The following PPP1R12A variants were observed in gnomAD, a reference collection of about 807,000 sequenced individuals.
PPP1R12A encodes the protein myosin binding subunit.
PPP1R12A carries 19 observed loss-of-function variants against 139.6 expected under a neutral mutation model. The ratio of observed to expected loss-of-function variants is 0.14; its 90% confidence interval spans 0.09 to 0.20. PPP1R12A has a LOEUF of 0.20. PPP1R12A is among the 10% of genes least tolerant of loss of function. The pLI is 1.00. For synonymous variants in PPP1R12A, 427 were observed against 420.6 expected (o/e 1.02, Z -0.19); for missense variants, 925 against 1,211.5 (o/e 0.76, Z 3.51).
chr12:79,785,945 C>A (rs576926032), intron 22 of PPP1R12A, among the ~76,000 whole-genome samples: 1 of 152,198 alleles, frequency 6.6e-6, no homozygotes, highest in African/African-American at 2.4e-5. Context: ...AAGGAACTTA[C>A]AAAAGGAGTT....
intron 1 of PPP1R12A, among the ~76,000 whole-genome samples, chr12:79,909,166 G>A (rs1886357179): frequency 6.6e-6 from 1 of 152,154 alleles, no homozygotes; most frequent in Non-Finnish European, 1.5e-5. Flanking sequence ...AAGCTTTGTT[G>A]TGACCCTACA....
intron 2 of PPP1R12A, among the ~76,000 whole-genome samples, chr12:79,852,964 A>G (rs951993489): frequency 6.6e-6 from 1 of 152,220 alleles, no homozygotes; most frequent in African/African-American, 2.4e-5. Flanking sequence ...AGCTTCCCAC[A>G]TGGTCTCCAG....
At chr12:79,832,743 T>G (rs1008919733) in intron 3 of PPP1R12A, 2 of 316,390 alleles carry the variant, frequency 6.3e-6, no homozygotes, top group Non-Finnish European at 1.1e-5. Flanking sequence ...CCTTTCTGAT[T>G]ATTCTTCTTG....
At chr12:79,819,660 G>C (rs1478151545) in intron 8 of PPP1R12A, among the ~76,000 whole-genome samples, 1 of 152,178 alleles carries the variant, frequency 6.6e-6, no homozygotes, top group African/African-American at 2.4e-5. Flanking sequence ...TTAGGCTATA[G>C]GTTGAGCACA....
intron 1 of PPP1R12A, among the ~76,000 whole-genome samples, chr12:79,927,121 A>G (rs1887906364): frequency 6.6e-6 from 1 of 152,060 alleles, no homozygotes; most frequent in East Asian, 1.9e-4. Flanking sequence ...TGAGCCCAGG[A>G]AGGCTACAGT....
chr12:79,840,032 G>A (rs986425322), intron 3 of PPP1R12A, among the ~76,000 whole-genome samples: 1 of 151,772 alleles, frequency 6.6e-6, no homozygotes, highest in African/African-American at 2.4e-5. Flanking sequence ...TGAACATCAT[G>A]AAGTATTTTC....
intron 2 of PPP1R12A, among the ~76,000 whole-genome samples, chr12:79,863,644 CAAAAAAAAAA>C (rs61530316): frequency 1.3e-4 from 7 of 55,334 alleles, no homozygotes; most frequent in South Asian, 1.1e-3. Flanking sequence ...AAATTGAAAG[CAAAAAAAAAA>C]AAAAAAAAAA....
chr12:79,904,161 G>A (rs555985890), intron 1 of PPP1R12A, among the ~76,000 whole-genome samples: 140 of 151,718 alleles, frequency 9.2e-4, no homozygotes, highest in African/African-American at 3.3e-3. Flanking sequence ...GTTGTGGTGA[G>A]CTGAGATCAT....
chr12:79,818,795 A>C (rs1875724190), intron 8 of PPP1R12A: 2 of 152,246 alleles, frequency 1.3e-5, no homozygotes, highest in South Asian at 4.1e-4. Context: ...GTTTTGGCAA[A>C]TAATTTATTT....
intron 1 of PPP1R12A, among the ~76,000 whole-genome samples, chr12:79,911,087 A>G (rs1420748848): frequency 1.3e-5 from 2 of 151,974 alleles, no homozygotes; most frequent in Non-Finnish European, 2.9e-5. Flanking sequence ...TACCCCTACT[A>G]CCAAATTAAT....
In PPP1R12A at chr12:79,925,261, C is replaced by CGTGTGT. The variant is rs146017455; in HGVS notation, c.237+9428_237+9433dup. On this transcript the variant is annotated intron_variant, in intron 1 of 24. Coordinates refer to ENST00000450142, the MANE Select transcript of PPP1R12A (RefSeq NM_002480.3). ...AGTAAAGGTTGAGTGCATACGTGTA[C>CGTGTGT]GTGTGTGTGTGTGTGTGTGTAACAG... 8.8e-3 allele frequency among the ~76,000 whole-genome samples: 1,320 copies of CGTGTGT among 149,648 alleles called. 20 individuals are homozygous for CGTGTGT. Among genetic ancestry groups the CGTGTGT allele is most frequent in the African/African-American group, 0.031 (1,267 of 41,036 alleles).
At chr12:79,875,258 T>A (rs1182313030) in intron 1 of PPP1R12A, among the ~76,000 whole-genome samples, 1 of 152,176 alleles carries the variant, frequency 6.6e-6, no homozygotes. Flanking sequence ...ATAATCATCA[T>A]CATATTGTCC....
At position 79,806,151 on chromosome 12, in the gene PPP1R12A, G is replaced by T. The variant is rs374826330; in HGVS notation, c.1823+15C>A. 1.1e-4 allele frequency: 185 copies of T among 1,612,672 alleles called. No homozygotes were observed. The highest frequency in any genetic ancestry group is 1.4e-4 in the Non-Finnish European group (167 of 1,179,020). ...CACACAGTAGACCTGAGCACAAAATGTATCTGTGACTTACCTGCTTTGTGT... is the reference window on the plus strand; with the variant it reads ...CACACAGTAGACCTGAGCACAAAATTTATCTGTGACTTACCTGCTTTGTGT... On this transcript the variant is annotated intron_variant, in intron 13 of 24. Coordinates refer to ENST00000450142, the MANE Select transcript of PPP1R12A (RefSeq NM_002480.3).
intron 1 of PPP1R12A, among the ~76,000 whole-genome samples, chr12:79,900,980 G>T (rs545076649): frequency 5.8e-4 from 88 of 152,054 alleles, no homozygotes; most frequent in Non-Finnish European, 6.5e-4. Context: ...TGAATATCTA[G>T]CAATCAATGT....
chr12:79,852,570 G>C (rs1473486891), intron 2 of PPP1R12A, among the ~76,000 whole-genome samples: 1 of 152,150 alleles, frequency 6.6e-6, no homozygotes, highest in Admixed American at 6.5e-5. Context: ...TTCTGTGTTA[G>C]TTGGCTTTGT....
At chr12:79,894,779 G>T (rs564455317) in intron 1 of PPP1R12A, among the ~76,000 whole-genome samples, 185 of 152,178 alleles carry the variant, frequency 1.2e-3, no homozygotes, top group African/African-American at 4.5e-3. Context: ...ATTACACTCT[G>T]CTGTTACACA....
At chr12:79,933,404 C>T (rs1200949350) in intron 1 of PPP1R12A, among the ~76,000 whole-genome samples, 2 of 152,054 alleles carry the variant, frequency 1.3e-5, no homozygotes, top group Non-Finnish European at 2.9e-5. Context: ...TTTTAAAAGG[C>T]ATCAAGTTAA....
chr12:79,780,410 G>C (rs1330481356), intron 23 of PPP1R12A: 2 of 152,062 alleles, frequency 1.3e-5, no homozygotes, highest in African/African-American at 4.8e-5. Flanking sequence ...AGAAAAAGGA[G>C]GTTAGGTGAG....
intron 1 of PPP1R12A, among the ~76,000 whole-genome samples, chr12:79,888,336 T>C (rs1884290108): frequency 6.6e-6 from 1 of 152,150 alleles, no homozygotes; most frequent in South Asian, 2.1e-4. Flanking sequence ...CCCATCTAAC[T>C]TGTAAAATAC....
Sources: gnomAD v4.1 joint callset for allele counts (sites outside exome capture counted in the v4.1 genomes callset) on GRCh38, gnomAD v4.1.1 for gene constraint, MANE v1.5 for transcripts, NCBI Gene and HGNC (gene_info 2026-07-23, HGNC 2026-07-21) for gene names.